Variants in DOK7 observed in about 807,000 individuals in gnomAD.
DOK7 encodes the protein protein Dok-7.
A neutral mutation model predicts 30.7 loss-of-function variants in DOK7; 32 were observed. That is an observed-to-expected ratio of 1.04 (90% confidence interval 0.79 to 1.40). The LOEUF is 1.40. Among genes scored for constraint, DOK7 ranks in the 40% most tolerant of loss-of-function variants. DOK7 has a pLI of 0.00. For missense variants in DOK7, 1,007 were observed against 699.2 expected, an observed-to-expected ratio of 1.44 and a Z score of -4.97; for synonymous variants, 447 against 324.1, an observed-to-expected ratio of 1.38 and a Z score of -4.07.
Position 3,492,849 on chromosome 4 carries a change from C to T in DOK7, c.863C>T (p.Ser288Phe). 1 of 1,611,544 alleles carries T rather than the reference C, an allele frequency of 6.2e-7. No individual in the cohort carries two copies. The highest frequency in any genetic ancestry group is 8.5e-7 in the Non-Finnish European group (1 of 1,179,602). ...SSRLTAWPEQ[S>F]SSSASTSQEG... ...CGGCTCACCGCATGGCCAGAGCAAT[C>T]CTCGTCGTCAGCCAGCACGTCACAG... Residue 288 changes from serine (S) to phenylalanine (F), a missense_variant, in exon 7 of 7, where the codon TCC (serine) becomes TTC (phenylalanine). Coordinates refer to ENST00000340083, the MANE Select transcript of DOK7 (RefSeq NM_173660.5).
chr4:3,480,386 T>A (rs1727370938), intron 4 of DOK7, among the ~76,000 whole-genome samples: 1 of 152,094 alleles, frequency 6.6e-6, no homozygotes, highest in Non-Finnish European at 1.5e-5. Flanking sequence ...GGTGGGAGGA[T>A]CACCTGAGGT....
chr4:3,492,096 C>T (rs1236766050), intron 6 of DOK7, among the ~76,000 whole-genome samples: 2 of 152,164 alleles, frequency 1.3e-5, no homozygotes, highest in African/African-American at 4.8e-5. Flanking sequence ...GCAGAGCAGG[C>T]AGCTTAGAGA....
chr4:3,482,039 C>T (rs1727469618), intron 4 of DOK7, among the ~76,000 whole-genome samples: 1 of 152,090 alleles, frequency 6.6e-6, no homozygotes, highest in Admixed American at 6.5e-5. Flanking sequence ...TGCTTCTCTG[C>T]GTCTTCCATG....
chr4:3,478,604 C>T (rs1490680757), intron 4 of DOK7, among the ~76,000 whole-genome samples: 1 of 149,118 alleles, frequency 6.7e-6, no homozygotes, highest in African/African-American at 2.5e-5. Context: ...GGGCTGGCCC[C>T]ACAGAACCCG....
At chr4:3,489,912 TCCTTCTGTCTCCTGCTCATTCATTCTTC>T (rs1279106099) in intron 6 of DOK7, 116 bp downstream of exon 6, 3 of 1,429,584 alleles carry the variant, frequency 2.1e-6, no homozygotes, top group Non-Finnish European at 1.9e-6. Context: ...ATTCATTCAT[TCCTTCTGTCTCCTGCTCATTCATTCTTC>T]CCCCAACTCC....
rs1390941728 is a variant in DOK7, at chr4:3,494,349, C to T, written c.*848C>T. On this transcript the variant is annotated 3_prime_UTR_variant, in exon 7 of 7. Transcript: ENST00000340083. The stretch of plus-strand genomic sequence containing the variant: ...TGTCCCCCGCCCTGGGTGGCTTCCT[C>T]TTGCACAGCCTGGAGCCTGCCCTGA... The T allele has an allele frequency of 1.4e-5, 14 of 985,842 alleles. No individual in the cohort carries two copies. The highest frequency in any genetic ancestry group is 1.0e-3 in the Middle Eastern group (2 of 1,916). 61.1% of individuals were successfully genotyped at this position (985,842 alleles called of 1,614,324 possible). A position where few individuals can be genotyped will look rare whatever the true frequency, so the allele number is the denominator to read the frequency against.
At chr4:3,482,298 C>T (rs1314388697) in intron 4 of DOK7, among the ~76,000 whole-genome samples, 1 of 152,234 alleles carries the variant, frequency 6.6e-6, no homozygotes, top group African/African-American at 2.4e-5. Context: ...ATCTCTGCCC[C>T]ATGAGGTGCT....
chr4:3,484,601 A>T (rs1727643431), intron 4 of DOK7: 2 of 985,294 alleles, frequency 2.0e-6, no homozygotes, highest in Non-Finnish European at 2.4e-6. Flanking sequence ...CGCCCCCGTG[A>T]CTCGCAGCTG....
chr4:3,487,219 C>T (rs1271061446), intron 5 of DOK7, among the ~76,000 whole-genome samples: 2 of 85,286 alleles, frequency 2.3e-5, no homozygotes, highest in African/African-American at 7.4e-5. Context: ...GGCCTCAGGC[C>T]ACCCGGAGGT....
downstream of DOK7, among the ~76,000 whole-genome samples, chr4:3,498,286 G>A (rs1729022532): frequency 6.6e-6 from 1 of 152,228 alleles, no homozygotes; most frequent in Non-Finnish European, 1.5e-5. Flanking sequence ...CCTGGAGCCA[G>A]TGGCCTTGGG....
chr4:3,478,180 C>G (rs1020392383), intron 4 of DOK7, among the ~76,000 whole-genome samples: 1 of 152,216 alleles, frequency 6.6e-6, no homozygotes, highest in Non-Finnish European at 1.5e-5. Context: ...CGTGCTCACC[C>G]TCTAAGCCGG....
chr4:3,500,393 G>A, exon 7 of DOK7: 1 of 1,535,938 alleles, frequency 6.5e-7, no homozygotes, highest in Non-Finnish European at 8.7e-7. Flanking sequence ...AGGCCAGCGA[G>A]GGTGTCCGAG....
chr4:3,467,340 C>T (rs1443663760), intron 2 of DOK7, among the ~76,000 whole-genome samples: 3 of 142,062 alleles, frequency 2.1e-5, no homozygotes, highest in Non-Finnish European at 4.6e-5. Context: ...CTTCCGTGTG[C>T]TCATGACTCC....
intron 2 of DOK7, 110 bp downstream of exon 2, chr4:3,463,661 G>A (rs973980710): frequency 1.4e-6 from 2 of 1,395,246 alleles, no homozygotes; most frequent in East Asian, 5.1e-5. Flanking sequence ...TCACCCCGCC[G>A]GGAAACCCGA....
chr4:3,488,708 G>A (rs1727969868), intron 5 of DOK7, among the ~76,000 whole-genome samples: 1 of 152,096 alleles, frequency 6.6e-6, no homozygotes, highest in South Asian at 2.1e-4. Flanking sequence ...CCCCCAAGGT[G>A]GGTGTCAGGA....
chr4:3,492,850 C>G lies in DOK7; in HGVS notation c.864C>G (p.Ser288=), dbSNP rs554816775. The G allele has an allele frequency of 4.2e-5, 68 of 1,611,412 alleles. No individual in the cohort carries two copies. The highest frequency in any genetic ancestry group is 1.1e-4 in the African/African-American group (8 of 75,044). The change falls in exon 7 of 7, where the codon TCC becomes TCG. Residue 288 remains serine (S), a synonymous_variant. Coordinates refer to ENST00000340083, the MANE Select transcript of DOK7 (RefSeq NM_173660.5). The part of the protein sequence containing the change: ...SSRLTAWPEQ[S]SSSASTSQEG... ...GGCTCACCGCATGGCCAGAGCAATC[C>G]TCGTCGTCAGCCAGCACGTCACAGG...
At chr4:3,495,533 G>C (rs994212365), downstream of DOK7, among the ~76,000 whole-genome samples, 1 of 152,248 alleles carries the variant, frequency 6.6e-6, no homozygotes, top group African/African-American at 2.4e-5. Flanking sequence ...CACGATGCTC[G>C]TGAGTGGGCC....
chr4:3,489,927 C>T (rs1728092502), intron 6 of DOK7, 131 bp downstream of exon 6: 1 of 1,380,738 alleles, frequency 7.2e-7, no homozygotes, highest in South Asian at 1.4e-5. Flanking sequence ...CTGTCTCCTG[C>T]TCATTCATTC....
chr4:3,486,090 T>C (rs758647661), intron 5 of DOK7, among the ~76,000 whole-genome samples: 4 of 151,964 alleles, frequency 2.6e-5, no homozygotes, highest in African/African-American at 4.8e-5. Flanking sequence ...TGGCTCTGCC[T>C]GAGCCCGGTG....
Sources: gnomAD v4.1 joint callset for allele counts (sites outside exome capture counted in the v4.1 genomes callset) on GRCh38, gnomAD v4.1.1 for gene constraint, MANE v1.5 for transcripts, NCBI Gene and HGNC (gene_info 2026-07-23, HGNC 2026-07-21) for gene names.